ZNF98: variants seen among roughly 807,000 people sequenced by gnomAD.
ZNF98 encodes the protein zinc finger protein 739.
A neutral mutation model predicts 12.8 loss-of-function variants in ZNF98; 8 were observed. That is an observed-to-expected ratio of 0.63 (90% CI 0.37 to 1.13). The LOEUF is 1.13. ZNF98 is among the 50% of genes most tolerant of loss of function. The probability of loss-of-function intolerance (pLI) is 0.01; values close to 1 mark genes in which losing one functional copy is unlikely to be tolerated. For synonymous variants in ZNF98, 112 were observed against 223.5 expected, an observed-to-expected ratio of 0.50 and a Z score of 4.45; for missense variants, 379 against 666.1, an observed-to-expected ratio of 0.57 and a Z score of 4.74.
intron 1 of ZNF98, among the ~76,000 whole-genome samples, chr19:22,414,809 C>T (rs942952441): frequency 6.6e-6 from 1 of 152,028 alleles, no homozygotes; most frequent in Non-Finnish European, 1.5e-5. Context: ...CCATTCTAGA[C>T]ACAGAAGCCG....
chr19:22,407,835 C>G (rs1483903549), intron 1 of ZNF98, among the ~76,000 whole-genome samples: 1 of 151,920 alleles, frequency 6.6e-6, no homozygotes, highest in Non-Finnish European at 1.5e-5. Flanking sequence ...TTTGGGAGGC[C>G]GAGGCGGGCA....
At chr19:22,420,318 A>C (rs1969690276) in intron 1 of ZNF98, among the ~76,000 whole-genome samples, 4 of 152,170 alleles carry the variant, frequency 2.6e-5, no homozygotes, top group Admixed American at 2.6e-4. Flanking sequence ...TGAGTGCCCC[A>C]AGTGTATTTT....
chr19:22,419,622 A>T (rs1181265068), intron 1 of ZNF98, among the ~76,000 whole-genome samples: 2 of 152,222 alleles, frequency 1.3e-5, no homozygotes, highest in Non-Finnish European at 2.9e-5. Flanking sequence ...GGATGAAATT[A>T]TAAGGCGCTT....
At chr19:22,408,198 A>T (rs1478029894) in intron 1 of ZNF98, among the ~76,000 whole-genome samples, 2 of 152,256 alleles carry the variant, frequency 1.3e-5, no homozygotes, top group Non-Finnish European at 2.9e-5. Context: ...CAAAAACCAC[A>T]TGATTATCTC....
chr19:22,400,321 C>T (rs1969442273), intron 3 of ZNF98, among the ~76,000 whole-genome samples: 1 of 152,172 alleles, frequency 6.6e-6, no homozygotes, highest in African/African-American at 2.4e-5. Flanking sequence ...TGTAGAAACC[C>T]ACACAGTGAC....
intron 2 of ZNF98, among the ~76,000 whole-genome samples, chr19:22,403,159 A>G (rs1423605236): frequency 6.6e-6 from 1 of 151,934 alleles, no homozygotes; most frequent in East Asian, 1.9e-4. Context: ...AATTAACACT[A>G]ATCTAGAGTG....
intron 1 of ZNF98, among the ~76,000 whole-genome samples, chr19:22,410,502 A>G (rs908313501): frequency 2.0e-5 from 3 of 152,240 alleles, no homozygotes; most frequent in African/African-American, 7.2e-5. Flanking sequence ...ACACAGGGAT[A>G]GAAAACCAAA....
intron 2 of ZNF98, 128 bp downstream of exon 2, chr19:22,403,258 T>TAAAAAAAAAAAAC (rs1430833868): frequency 1.4e-6 from 1 of 734,212 alleles, no homozygotes; most frequent in African/African-American, 2.4e-5. Context: ...ATCTTGAAGT[T>TAAAAAAAAAAAAC]AAAAAAAAAA....
chr19:22,417,051 G>T (rs1969651819), intron 1 of ZNF98, among the ~76,000 whole-genome samples: 1 of 151,974 alleles, frequency 6.6e-6, no homozygotes, highest in South Asian at 2.1e-4. Flanking sequence ...CCAACATGGA[G>T]AAACCCCATC....
At chr19:22,414,901 GCTT>G (rs1340845383) in intron 1 of ZNF98, among the ~76,000 whole-genome samples, 7 of 151,876 alleles carry the variant, frequency 4.6e-5, no homozygotes, top group African/African-American at 1.7e-4. Flanking sequence ...AAGCTAAAAA[GCTT>G]CTTCACAGCA....
chr19:22,403,459 T>C lies in ZNF98; in HGVS notation c.84A>G (p.Gln28=). 2.5e-6 allele frequency: 4 copies of C among 1,610,438 alleles called. No homozygotes were observed. Among genetic ancestry groups the C allele is most frequent in the Non-Finnish European group, 3.4e-6 (4 of 1,179,254 alleles). ...AATTCTGCTGTGCGGTGTCCAGGCA[T>C]TGCCACTCCTCCAGAGAGAATTCTA... ...VALEFSLEEW[Q]CLDTAQQNLY... is the part of the protein sequence containing the mutation. The change falls in exon 2 of 4, where the codon CAA becomes CAG. Residue 28 remains glutamine (Q), a synonymous_variant. Transcript: ENST00000357774.
chr19:22,417,609 T>C (rs893052140), intron 1 of ZNF98, among the ~76,000 whole-genome samples: 2 of 152,166 alleles, frequency 1.3e-5, no homozygotes, highest in East Asian at 3.9e-4. Context: ...GATGAGATTA[T>C]GAACAGGTGG....
chr19:22,420,128 A>G (rs1325921393), intron 1 of ZNF98, among the ~76,000 whole-genome samples: 1 of 152,130 alleles, frequency 6.6e-6, no homozygotes, highest in African/African-American at 2.4e-5. Context: ...GCGCCACTGC[A>G]CTCCAGCCTG....
At chr19:22,409,234 C>G (rs1969554511) in intron 1 of ZNF98, among the ~76,000 whole-genome samples, 1 of 152,104 alleles carries the variant, frequency 6.6e-6, no homozygotes, top group Non-Finnish European at 1.5e-5. Flanking sequence ...ACCGGCTAGC[C>G]ATATGCAGAA....
intron 1 of ZNF98, among the ~76,000 whole-genome samples, chr19:22,416,538 G>C (rs371556402): frequency 9.3e-5 from 14 of 151,168 alleles, no homozygotes; most frequent in African/African-American, 1.2e-4. Flanking sequence ...CACTTTGGGA[G>C]GCTGAGGCGG....
At chr19:22,403,060 C>T (rs561839207) in intron 2 of ZNF98, among the ~76,000 whole-genome samples, 176 bp from the exon 3 acceptor site, 217 of 151,614 alleles carry the variant, frequency 1.4e-3, no homozygotes, top group African/African-American at 5.0e-3. Flanking sequence ...TTCTTAATTT[C>T]ACTACCTGAT....
intron 3 of ZNF98, among the ~76,000 whole-genome samples, chr19:22,399,866 T>C (rs1257435790): frequency 2.6e-5 from 4 of 152,060 alleles, no homozygotes; most frequent in South Asian, 2.1e-4. Context: ...AAACCTGTAA[T>C]GAGAAATGCT....
intron 1 of ZNF98, among the ~76,000 whole-genome samples, chr19:22,419,229 T>C (rs1184841239): frequency 1.3e-5 from 2 of 152,214 alleles, no homozygotes; most frequent in African/African-American, 4.8e-5. Context: ...AATCTAACTT[T>C]GGTTTATTTT....
At chr19:22,412,885 T>C (rs1027616846) in intron 1 of ZNF98, among the ~76,000 whole-genome samples, 3 of 151,686 alleles carry the variant, frequency 2.0e-5, no homozygotes, top group African/African-American at 7.3e-5. Flanking sequence ...ACCTCGTCTC[T>C]ACTAAAAATA....
Sources: allele counts gnomAD v4.1 joint callset (sites outside exome capture counted in the v4.1 genomes callset), GRCh38; gene constraint gnomAD v4.1.1; transcripts MANE v1.5; gene names NCBI Gene and HGNC (gene_info 2026-07-23, HGNC 2026-07-21).